KIF21A: variants seen among roughly 807,000 people sequenced by gnomAD.
The protein encoded by KIF21A is kinesin-like protein KIF21A.
KIF21A carries 114 observed loss-of-function variants against 202.9 expected under a neutral mutation model. That is an observed-to-expected ratio of 0.56 (90% CI 0.48 to 0.66). The LOEUF (loss-of-function observed/expected upper bound fraction) is 0.66. Among genes scored for constraint, KIF21A ranks in the 30% least tolerant of loss-of-function variants. KIF21A has a pLI of 0.00. For missense variants in KIF21A, 1,677 were observed against 1,994.9 expected (o/e 0.84, Z 3.04); for synonymous variants, 667 against 670.8 (o/e 0.99, Z 0.09).
At chr12:39,297,862 A>G (rs1048860439) in intron 37 of KIF21A, among the ~76,000 whole-genome samples, 4 of 149,972 alleles carry the variant, frequency 2.7e-5, no homozygotes, top group Non-Finnish European at 4.4e-5. Context: ...GGAGCAGGCA[A>G]TAATAATAAT....
chr12:39,297,831 C>T (rs1942552815), intron 37 of KIF21A, among the ~76,000 whole-genome samples: 1 of 148,668 alleles, frequency 6.7e-6, no homozygotes, highest in South Asian at 2.1e-4. Flanking sequence ...CCATTTTATT[C>T]TAGTTTGTCA....
intron 1 of KIF21A, among the ~76,000 whole-genome samples, chr12:39,377,585 G>A (rs577283659): frequency 6.6e-5 from 10 of 152,136 alleles, no homozygotes; most frequent in African/African-American, 2.2e-4. Flanking sequence ...AAGAGATCGG[G>A]CACTGCATAA....
intron 24 of KIF21A, among the ~76,000 whole-genome samples, chr12:39,328,406 C>T (rs1405674881): frequency 6.6e-6 from 1 of 152,112 alleles, no homozygotes; most frequent in Non-Finnish European, 1.5e-5. Context: ...GAGAGAGATA[C>T]AAATGCCTGG....
At position 39,337,082 on chromosome 12, in the gene KIF21A, T is replaced by C. The variant is rs772524513; in HGVS notation, c.2418+14A>G. The C allele has an allele frequency of 6.5e-7, 1 of 1,533,032 alleles. No individual in the cohort carries two copies. Among genetic ancestry groups the C allele is most frequent in the East Asian group, 2.3e-5 (1 of 44,344 alleles). The allele number at this position is 1,533,032 out of a possible 1,614,324, so 95.0% of individuals were successfully genotyped here. ...ACAATTTTCTTATATAACTGAGAGT[T>C]AAAATCCACTTACATCTCTTTTACG... On this transcript the variant is annotated intron_variant, in intron 17 of 37. Coordinates refer to ENST00000361418, the MANE Select transcript of KIF21A (RefSeq NM_001173464.2).
intron 29 of KIF21A, among the ~76,000 whole-genome samples, chr12:39,317,407 G>GTAT (rs1252181638): frequency 6.6e-6 from 1 of 152,098 alleles, no homozygotes; most frequent in Non-Finnish European, 1.5e-5. Context: ...CCTTATGGCA[G>GTAT]TATTGTTAGT....
Position 39,330,923 on chromosome 12 carries a change from CA to C in KIF21A, c.3154-13del, listed in dbSNP as rs1565801621. On this transcript the variant is annotated splice_polypyrimidine_tract_variant and intron_variant, in intron 22 of 37. Coordinates refer to ENST00000361418, the MANE Select transcript of KIF21A (RefSeq NM_001173464.2). ...GCAGCCTGAAGACCCTGAAACACAACAAAAAATTATCTTAGGTCATACGAAA... is the reference window on the plus strand; with the variant it reads ...GCAGCCTGAAGACCCTGAAACACAACAAAAATTATCTTAGGTCATACGAAA... The C allele has an allele frequency of 1.2e-6, 2 of 1,613,446 alleles. No homozygotes were observed. The highest frequency in any genetic ancestry group is 1.7e-6 in the Non-Finnish European group (2 of 1,179,610).
chr12:39,403,737 G>A (rs1218094878), intron 1 of KIF21A, among the ~76,000 whole-genome samples: 1 of 152,152 alleles, frequency 6.6e-6, no homozygotes, highest in Non-Finnish European at 1.5e-5. Context: ...TCTAAAACAT[G>A]AGAACTCATT....
At chr12:39,427,103 C>G (rs1954824809) in intron 1 of KIF21A, among the ~76,000 whole-genome samples, 1 of 152,062 alleles carries the variant, frequency 6.6e-6, no homozygotes, top group South Asian at 2.1e-4. Context: ...TCTGAATCAT[C>G]TTGCATTTCC....
At position 39,337,277 on chromosome 12, in the gene KIF21A, A is replaced by C. The variant is rs564263069; in HGVS notation, c.2311-74T>G. The stretch of plus-strand genomic sequence containing the variant: ...TCATTAAATCAACCACATATATGGA[A>C]GTAAGTTCTTAGAATTCTGAATACT... On this transcript the variant is annotated intron_variant, in intron 16 of 37. Transcript: ENST00000361418. 5 of 953,550 alleles carry C rather than the reference A, an allele frequency of 5.2e-6. No individual in the cohort carries two copies. The South Asian group carries it at 6.5e-5, about 12-fold the overall frequency. 59.1% of individuals were successfully genotyped at this position (953,550 alleles called of 1,614,324 possible). A position where few individuals can be genotyped will look rare whatever the true frequency, so the allele number is the denominator to read the frequency against.
At chr12:39,374,783 TC>T (rs1210039965) in intron 1 of KIF21A, among the ~76,000 whole-genome samples, 3 of 152,192 alleles carry the variant, frequency 2.0e-5, no homozygotes, top group Non-Finnish European at 4.4e-5. Flanking sequence ...TGTTTTCTAA[TC>T]TATGAGGAGC....
rs908840648 is a variant in KIF21A at position 39,307,818 on chromosome 12, G to A, written c.4278-89C>T. Reference sequence around the variant, plus strand: ...TTGAATTCCCAGGAAACTGGCTGTAGGCAACAACAAGAACAGTGTCCTTTT... The same window carrying A: ...TTGAATTCCCAGGAAACTGGCTGTAAGCAACAACAAGAACAGTGTCCTTTT... On this transcript the variant is annotated intron_variant, in intron 33 of 37. Transcript: ENST00000361418. 4 of 1,084,768 alleles carry A rather than the reference G, an allele frequency of 3.7e-6. No homozygotes were observed. The African/African-American group carries it at 6.3e-5, about 17-fold the overall frequency. 67.2% of individuals were successfully genotyped at this position (1,084,768 alleles called of 1,614,324 possible).
intron 1 of KIF21A, among the ~76,000 whole-genome samples, chr12:39,421,544 T>G (rs542974817): frequency 1.8e-3 from 269 of 151,742 alleles, no homozygotes; most frequent in African/African-American, 5.7e-3. Context: ...AATACACAAA[T>G]TAGCCGGGTG....
intron 35 of KIF21A, among the ~76,000 whole-genome samples, chr12:39,303,586 G>T (rs1304496299): frequency 6.6e-6 from 1 of 152,084 alleles, no homozygotes; most frequent in Non-Finnish European, 1.5e-5. Context: ...ACTTTTGCTT[G>T]CATGTTACAT....
At chr12:39,413,376 C>T (rs1953273218) in intron 1 of KIF21A, among the ~76,000 whole-genome samples, 1 of 152,142 alleles carries the variant, frequency 6.6e-6, no homozygotes, top group East Asian at 1.9e-4. Flanking sequence ...TGAACGCTAT[C>T]CCACTTAAAC....
At chr12:39,437,505 G>A (rs1363115410) in intron 1 of KIF21A, among the ~76,000 whole-genome samples, 3 of 152,022 alleles carry the variant, frequency 2.0e-5, no homozygotes, top group Non-Finnish European at 4.4e-5. Flanking sequence ...ATATAAGTAG[G>A]GCATGATATA....
chr12:39,361,493 G>C (rs1477895529), intron 7 of KIF21A, among the ~76,000 whole-genome samples: 2 of 150,186 alleles, frequency 1.3e-5, no homozygotes, highest in African/African-American at 2.5e-5. Flanking sequence ...AAATGACAAT[G>C]TTGTATTCTA....
intron 33 of KIF21A, among the ~76,000 whole-genome samples, chr12:39,308,088 C>G (rs1035486877): frequency 6.6e-6 from 1 of 151,562 alleles, no homozygotes. Context: ...TCAACAAATG[C>G]CTGGGTGTAG....
At position 39,351,989 on chromosome 12, in the gene KIF21A, T is replaced by A. The variant is rs370604425; in HGVS notation, c.1470-9A>T. On this transcript the variant is annotated splice_polypyrimidine_tract_variant and intron_variant, in intron 10 of 37. Transcript: ENST00000361418. ...TTTCTAATAATTTTGCCCTAGCAAATAAAAATATATTTAAATAGGGAGCAT... is the reference window on the plus strand; with the variant it reads ...TTTCTAATAATTTTGCCCTAGCAAAAAAAAATATATTTAAATAGGGAGCAT... The A allele has an allele frequency of 8.2e-6, 13 of 1,593,438 alleles. No individual in the cohort carries two copies. In the African/African-American group the frequency reaches 1.1e-4, roughly 13 times the overall value.
In KIF21A at chr12:39,442,784, C is replaced by A. The variant is rs1939834084; in HGVS notation, c.44+143G>T. Reference sequence around the variant, plus strand: ...GTGCCAGGCCAGCGGGGACTCACTGCCTCAGTTTCCTCAGCCGCAGAACCC... The same window carrying A: ...GTGCCAGGCCAGCGGGGACTCACTGACTCAGTTTCCTCAGCCGCAGAACCC... On this transcript the variant is annotated intron_variant, in intron 1 of 37. Transcript: ENST00000361418. The surrounding 1 kb of genome is among the most constrained non-coding windows in gnomAD (Gnocchi z 5.0). The A allele has an allele frequency of 2.9e-6, 3 of 1,027,840 alleles. No homozygotes were observed. The highest frequency in any genetic ancestry group is 2.9e-5 in the South Asian group (2 of 68,750). 63.7% of individuals were successfully genotyped at this position (1,027,840 alleles called of 1,614,324 possible). A position where few individuals can be genotyped will look rare whatever the true frequency, so the allele number is the denominator to read the frequency against.
Sources: allele counts gnomAD v4.1 joint callset (sites outside exome capture counted in the v4.1 genomes callset), GRCh38; gene constraint gnomAD v4.1.1; non-coding constraint Gnocchi (gnomAD v3.1); transcripts MANE v1.5; gene names NCBI Gene and HGNC (gene_info 2026-07-23, HGNC 2026-07-21).